TBC1D8: variants seen among roughly 807,000 people sequenced by gnomAD.
TBC1D8 encodes TBC1 domain family member 8.
A neutral mutation model predicts 118.8 loss-of-function variants in TBC1D8; 65 were observed. The ratio of observed to expected loss-of-function variants is 0.55; its 90% CI spans 0.45 to 0.67. TBC1D8 has a LOEUF of 0.67. TBC1D8 is among the 30% of genes least tolerant of loss of function. The probability of loss-of-function intolerance (pLI) is 0.00; values close to 1 mark genes in which losing one functional copy is unlikely to be tolerated. For synonymous variants in TBC1D8, 566 were observed against 595.8 expected, an observed-to-expected ratio of 0.95 and a Z score of 0.73; for missense variants, 1,376 against 1,471.2, an observed-to-expected ratio of 0.94 and a Z score of 1.06.
At chr2:101,141,150 C>T (rs1217035130) in intron 1 of TBC1D8, among the ~76,000 whole-genome samples, 1 of 152,044 alleles carries the variant, frequency 6.6e-6, no homozygotes, top group Non-Finnish European at 1.5e-5. Context: ...ACCCGAGACC[C>T]AACACTCACA....
chr2:101,077,378 G>A (rs546644162), intron 2 of TBC1D8, among the ~76,000 whole-genome samples: 1 of 151,184 alleles, frequency 6.6e-6, no homozygotes, highest in East Asian at 1.9e-4. Flanking sequence ...CTCCCGGGTA[G>A]CTGGGACTAC....
chr2:101,094,914 T>A (rs1676296668), intron 1 of TBC1D8, among the ~76,000 whole-genome samples: 1 of 152,152 alleles, frequency 6.6e-6, no homozygotes, highest in Admixed American at 6.5e-5. Flanking sequence ...TAGAGAGAGA[T>A]GGAAGAATCC....
chr2:101,145,620 T>C (rs1679288577), intron 1 of TBC1D8, among the ~76,000 whole-genome samples: 1 of 152,182 alleles, frequency 6.6e-6, no homozygotes, highest in African/African-American at 2.4e-5. Context: ...GAGCAAGCCT[T>C]GTAACCCCAC....
At position 101,104,931 on chromosome 2, in the gene TBC1D8, A is replaced by T. The variant is rs547738328; in HGVS notation, c.128-14567T>A. On this transcript the variant is annotated intron_variant, in intron 1 of 19. Coordinates refer to ENST00000409318, the MANE Select transcript of TBC1D8 (RefSeq NM_001330348.2). ...CTGGAGGCTGAATAGGAGGCTCAGG[A>T]GGAGAATCGCTTGAACCCGGGAGGT... is the stretch of plus-strand genomic sequence containing the variant. Among the ~76,000 whole-genome samples, 22 of 149,986 alleles carry T rather than the reference A, an allele frequency of 1.5e-4. No homozygotes were observed. The East Asian group carries it at 4.3e-3, about 29-fold the overall frequency.
rs368105684 is a variant in TBC1D8, at chr2:101,105,514, G to A, written c.128-15150C>T. Among the ~76,000 whole-genome samples, 35 of 151,036 alleles carry A rather than the reference G, an allele frequency of 2.3e-4. 1 individual carries two copies. Among genetic ancestry groups the A allele is most frequent in the East Asian group, 2.1e-3 (11 of 5,136 alleles). ...TGAAGCAGGAGAATCACTTGAACCC[G>A]GGAGGCAGAGGTTGCAGTGAGCTAA... On this transcript the variant is annotated intron_variant, in intron 1 of 19. Coordinates refer to ENST00000409318, the MANE Select transcript of TBC1D8 (RefSeq NM_001330348.2).
intron 1 of TBC1D8, among the ~76,000 whole-genome samples, chr2:101,125,022 G>A (rs748422779): frequency 2.8e-4 from 43 of 152,208 alleles, no homozygotes; most frequent in Non-Finnish European, 5.1e-4. Flanking sequence ...ACATTTGTGT[G>A]TGAATCCATT....
intron 8 of TBC1D8, 97 bp from the exon 9 acceptor site, chr2:101,036,265 C>T: frequency 7.0e-7 from 1 of 1,425,546 alleles, no homozygotes; most frequent in South Asian, 1.3e-5. Flanking sequence ...ACTGCCCCTG[C>T]TCTCCGAGGG....
At chr2:101,041,815 G>C (rs1681402436) in intron 5 of TBC1D8, among the ~76,000 whole-genome samples, 2 of 152,038 alleles carry the variant, frequency 1.3e-5, no homozygotes, top group African/African-American at 4.8e-5. Flanking sequence ...CTTGAGCTCA[G>C]GAGTTTGAGA....
At chr2:101,136,016 G>A (rs934015112) in intron 1 of TBC1D8, among the ~76,000 whole-genome samples, 3 of 152,062 alleles carry the variant, frequency 2.0e-5, no homozygotes, top group Admixed American at 1.3e-4. Flanking sequence ...GCACCACCAC[G>A]CCTGGCTAAT....
chr2:101,085,140 C>A (rs759085735), intron 2 of TBC1D8, among the ~76,000 whole-genome samples: 4 of 152,058 alleles, frequency 2.6e-5, no homozygotes, highest in Non-Finnish European at 4.4e-5. Context: ...TGTGAGCCAC[C>A]GCGCCCAGCC....
chr2:101,151,177 A>G lies in TBC1D8; in HGVS notation c.77T>C (p.Phe26Ser). Residue 26 changes from phenylalanine to serine, a missense_variant, in exon 1 of 20, where the codon TTC (phenylalanine) becomes TCC (serine). Coordinates refer to ENST00000409318, the MANE Select transcript of TBC1D8 (RefSeq NM_001330348.2). ...LWVTQKSSCY[F>S]ILQRRRGHGE... The stretch of plus-strand genomic sequence containing the variant: ...GTGCCCGCGGCGCCGCTGCAGGATG[A>G]AGTAGCAGCTGCTCTTCTGGGTCAC... The G allele has an allele frequency of 8.1e-7, 1 of 1,242,122 alleles. No homozygotes were observed. The allele number at this position is 1,242,122 out of a possible 1,614,324, so 76.9% of individuals were successfully genotyped here. A position where few individuals can be genotyped will look rare whatever the true frequency, so the allele number is the denominator to read the frequency against.
intron 1 of TBC1D8, among the ~76,000 whole-genome samples, chr2:101,121,889 AACCCTGTCTCT>A (rs926834534): frequency 6.6e-6 from 1 of 151,846 alleles, no homozygotes; most frequent in African/African-American, 2.4e-5. Context: ...AATATGGTGA[AACCCTGTCTCT>A]ACTAAAAATA....
At chr2:101,089,767 T>A (rs1213278699) in intron 2 of TBC1D8, among the ~76,000 whole-genome samples, 1 of 151,794 alleles carries the variant, frequency 6.6e-6, no homozygotes, top group Non-Finnish European at 1.5e-5. Flanking sequence ...TGTGTATGCA[T>A]CCAGGAGCAC....
At chr2:101,069,879 A>G (rs1683214317) in intron 2 of TBC1D8, among the ~76,000 whole-genome samples, 1 of 151,874 alleles carries the variant, frequency 6.6e-6, no homozygotes, top group Non-Finnish European at 1.5e-5. Flanking sequence ...CTTGGACACA[A>G]GGAACTAAAT....
At chr2:101,076,156 A>G (rs1184312881) in intron 2 of TBC1D8, among the ~76,000 whole-genome samples, 1 of 152,214 alleles carries the variant, frequency 6.6e-6, no homozygotes, top group Non-Finnish European at 1.5e-5. Context: ...TAAATATATT[A>G]TGTCTCAGGG....
Position 101,007,778 on chromosome 2 carries a change from T to C in TBC1D8, c.*43A>G. ...CCCCAAGAAACAGTCTGGTTCGTGC[T>C]TTGGTATGGTGGACTCCAGTGTGCA... On this transcript the variant is annotated 3_prime_UTR_variant, in exon 20 of 20. Transcript: ENST00000409318. 6 of 1,579,844 alleles carry C rather than the reference T, an allele frequency of 3.8e-6. No homozygotes were observed. The highest frequency in any genetic ancestry group is 1.1e-5 in the South Asian group (1 of 87,168).
At chr2:101,086,228 TAACTC>T (rs1675613880) in intron 2 of TBC1D8, among the ~76,000 whole-genome samples, 1 of 151,238 alleles carries the variant, frequency 6.6e-6, no homozygotes, top group Non-Finnish European at 1.5e-5. Context: ...ACCAAATTAT[TAACTC>T]AAAAGAGTTA....
chr2:101,031,357 C>T (rs1384616198), intron 11 of TBC1D8, among the ~76,000 whole-genome samples: 1 of 152,222 alleles, frequency 6.6e-6, no homozygotes, highest in Non-Finnish European at 1.5e-5. Flanking sequence ...GACCACACCA[C>T]CCACCTGCCC....
intron 1 of TBC1D8, among the ~76,000 whole-genome samples, chr2:101,098,121 GGTTGCTCGCACCT>G (rs1402491844): frequency 6.6e-6 from 1 of 152,042 alleles, no homozygotes; most frequent in Non-Finnish European, 1.5e-5. Flanking sequence ...AAAAAGAGAT[GGTTGCTCGCACCT>G]GTAATCCCAA....
Sources: gnomAD v4.1 joint callset for allele counts (sites outside exome capture counted in the v4.1 genomes callset) on GRCh38, gnomAD v4.1.1 for gene constraint, MANE v1.5 for transcripts, NCBI Gene and HGNC (gene_info 2026-07-23, HGNC 2026-07-21) for gene names.